Variants in EEF2K observed in about 807,000 individuals in gnomAD.
EEF2K encodes the protein alternative protein EEF2K.
In EEF2K, 70 loss-of-function variants were observed where a neutral mutation model predicts 93.8. The ratio of observed to expected loss-of-function variants is 0.75; its 90% CI spans 0.62 to 0.91. EEF2K has a LOEUF of 0.91. Among genes scored for constraint, EEF2K ranks in the 40% least tolerant of loss-of-function variants. The pLI, the probability that EEF2K is intolerant of heterozygous loss-of-function variation, is 0.00. For synonymous variants in EEF2K, 376 were observed against 380.8 expected (o/e 0.99, Z 0.15); for missense variants, 935 against 972.9 (o/e 0.96, Z 0.52).
intron 2 of EEF2K, among the ~76,000 whole-genome samples, chr16:22,228,351 C>T (rs993700690): frequency 3.9e-5 from 6 of 152,056 alleles, no homozygotes; most frequent in East Asian, 1.9e-4. Context: ...GGGCTGGGCG[C>T]GACGGCTCAC....
At chr16:22,267,792 G>A (rs2047539879) in intron 15 of EEF2K, among the ~76,000 whole-genome samples, 1 of 152,148 alleles carries the variant, frequency 6.6e-6, no homozygotes, top group African/African-American at 2.4e-5. Flanking sequence ...GCAGCAGGGT[G>A]TGGACCTGCA....
chr16:22,280,161 G>T lies in EEF2K; in HGVS notation c.1890-37G>T, dbSNP rs758725692. On this transcript the variant is annotated intron_variant, in intron 16 of 17. Coordinates refer to ENST00000263026, the MANE Select transcript of EEF2K (RefSeq NM_013302.5). ...CCTCCTCCTGCCACCCTGTTGCCAT[G>T]GTAACCTCCACCTTTCCCTCTGTAT... The T allele has an allele frequency of 4.2e-6, 6 of 1,431,606 alleles. No homozygotes were observed. In the Admixed American group the frequency reaches 1.6e-4, roughly 38 times the overall value. 88.7% of individuals were successfully genotyped at this position (1,431,606 alleles called of 1,614,324 possible). A position where few individuals can be genotyped will look rare whatever the true frequency, so the allele number is the denominator to read the frequency against.
chr16:22,265,099 AGCC>A, intron 13 of EEF2K: 1 of 516,958 alleles, frequency 1.9e-6, no homozygotes, highest in Non-Finnish European at 3.5e-6. Flanking sequence ...AGAGCAGCTC[AGCC>A]CCATCCTGGA....
chr16:22,231,611 A>G (rs1403995003), intron 2 of EEF2K, among the ~76,000 whole-genome samples: 1 of 152,072 alleles, frequency 6.6e-6, no homozygotes, highest in African/African-American at 2.4e-5. Flanking sequence ...TTATGTGGAG[A>G]AAAAGATGTT....
intron 1 of EEF2K, among the ~76,000 whole-genome samples, chr16:22,217,498 C>G (rs1227546456): frequency 6.6e-6 from 1 of 152,086 alleles, no homozygotes; most frequent in African/African-American, 2.4e-5. Context: ...GGCTGGAGTA[C>G]AGTGGCACGA....
rs146736070 is a variant in EEF2K at position 22,233,701 on chromosome 16, A to C, written c.246+7726A>C. ...CCTCTCCCCTGCCCCCTGGCAAAAA[A>C]ATATTTTCCTGATCTGAGAATATCT... On this transcript the variant is annotated intron_variant, in intron 2 of 17. Coordinates refer to ENST00000263026, the MANE Select transcript of EEF2K (RefSeq NM_013302.5). 3.4e-3 allele frequency among the ~76,000 whole-genome samples: 514 copies of C among 152,240 alleles called. 3 individuals are homozygous for C. Among genetic ancestry groups the C allele is most frequent in the African/African-American group, 0.011 (452 of 41,562 alleles).
rs191423115 is a variant in EEF2K, at chr16:22,282,161, G to A, written c.2069-1726G>A. Among the ~76,000 whole-genome samples the A allele has an allele frequency of 1.1e-3, 166 of 152,166 alleles. 1 individual carries two copies. In the South Asian group the frequency reaches 0.022, roughly 21 times the overall value. On this transcript the variant is annotated intron_variant, in intron 17 of 17. Coordinates refer to ENST00000263026, the MANE Select transcript of EEF2K (RefSeq NM_013302.5). ...CTCAGTGAGCTATGATCATACCACC[G>A]CACTTCAGCCTGGGCAACAGAGTGA... is the stretch of plus-strand genomic sequence containing the variant.
At position 22,266,878 on chromosome 16, in the gene EEF2K, T is replaced by G; in HGVS notation, c.1764+2T>G. 1 of 1,598,324 alleles carries G rather than the reference T, an allele frequency of 6.3e-7. No homozygotes were observed. The highest frequency in any genetic ancestry group is 8.6e-7 in the Non-Finnish European group (1 of 1,169,076). ...ATCCTAGCCGATGTCTCTCTGAAGGTGAGCAGGTGGCGGGGACCCAGCTGC... is the reference window on the plus strand; with the variant it reads ...ATCCTAGCCGATGTCTCTCTGAAGGGGAGCAGGTGGCGGGGACCCAGCTGC... On this transcript the variant is annotated splice_donor_variant, in intron 15 of 17. Coordinates refer to ENST00000263026, the MANE Select transcript of EEF2K (RefSeq NM_013302.5). LOFTEE classifies it high-confidence loss of function.
intron 6 of EEF2K, among the ~76,000 whole-genome samples, chr16:22,255,422 T>C (rs917020860): frequency 2.6e-5 from 4 of 152,188 alleles, no homozygotes; most frequent in Non-Finnish European, 5.9e-5. Context: ...GGGTTTGCCA[T>C]GGACCACATA....
intron 10 of EEF2K, 96 bp from the exon 11 acceptor site, chr16:22,260,366 C>A: frequency 1.8e-6 from 2 of 1,134,786 alleles, no homozygotes; most frequent in Non-Finnish European, 2.5e-6. Flanking sequence ...AAAAAAAAGG[C>A]TTGGTGGCAG....
rs2046865396 is a variant in EEF2K, at chr16:22,206,613, C to T, written c.-143C>T. The T allele has an allele frequency of 1.3e-5, 2 of 152,300 alleles. No individual in the cohort carries two copies. Among genetic ancestry groups the T allele is most frequent in the Non-Finnish European group, 2.9e-5 (2 of 68,148 alleles). 9.4% of individuals were successfully genotyped at this position (152,300 alleles called of 1,614,324 possible). A position where few individuals can be genotyped will look rare whatever the true frequency, so the allele number is the denominator to read the frequency against. ...CACCCTGGAGCTCCGGGCCGCGAGC[C>T]TCTGCCAACTCCTCTGGACCCTCGC... On this transcript the variant is annotated 5_prime_UTR_variant, in exon 1 of 18. Coordinates refer to ENST00000263026, the MANE Select transcript of EEF2K (RefSeq NM_013302.5).
chr16:22,227,568 G>A (rs1387607282), intron 2 of EEF2K, among the ~76,000 whole-genome samples: 1 of 152,116 alleles, frequency 6.6e-6, no homozygotes, highest in East Asian at 1.9e-4. Flanking sequence ...CGTTTGGTAG[G>A]TGCCAGCGTG....
At chr16:22,273,974 A>T (rs2047610284) in intron 16 of EEF2K, among the ~76,000 whole-genome samples, 1 of 152,210 alleles carries the variant, frequency 6.6e-6, no homozygotes, top group African/African-American at 2.4e-5. Context: ...AGGGTAAACG[A>T]GATGCTGACT....
At chr16:22,210,985 G>C (rs776446363) in intron 1 of EEF2K, among the ~76,000 whole-genome samples, 29 of 152,154 alleles carry the variant, frequency 1.9e-4, no homozygotes, top group Non-Finnish European at 3.1e-4. Flanking sequence ...GCTGCTGGAC[G>C]GGCTCAGAAA....
At chr16:22,219,574 G>A (rs1161117096) in intron 1 of EEF2K, among the ~76,000 whole-genome samples, 3 of 152,166 alleles carry the variant, frequency 2.0e-5, no homozygotes, top group African/African-American at 4.8e-5. Flanking sequence ...GCTGCAATGA[G>A]CTCTGATTGC....
intron 2 of EEF2K, among the ~76,000 whole-genome samples, chr16:22,226,637 T>G (rs1412168596): frequency 6.6e-6 from 1 of 151,316 alleles, no homozygotes; most frequent in Non-Finnish European, 1.5e-5. Flanking sequence ...CACCTCAGCC[T>G]CCTGAGTAGC....
intron 5 of EEF2K, 140 bp from the exon 6 acceptor site, chr16:22,251,011 C>T (rs2047344421): frequency 2.9e-6 from 3 of 1,044,068 alleles, no homozygotes; most frequent in Non-Finnish European, 4.3e-6. Flanking sequence ...GTGGGGACGT[C>T]CTTCTTACCT....
intron 9 of EEF2K, 107 bp from the exon 10 acceptor site, chr16:22,258,387 A>G (rs913846721): frequency 4.3e-6 from 5 of 1,159,770 alleles, no homozygotes; most frequent in Admixed American, 4.6e-5. Flanking sequence ...AGGCATGTTT[A>G]GGAGCTGTGG....
chr16:22,225,609 C>T, intron 1 of EEF2K, 45 bp from the exon 2 acceptor site: 1 of 1,466,866 alleles, frequency 6.8e-7, no homozygotes, highest in Non-Finnish European at 9.1e-7. Context: ...GAATTCGCAG[C>T]CCTGGGCCCC....
Sources: allele counts gnomAD v4.1 joint callset (sites outside exome capture counted in the v4.1 genomes callset), GRCh38; gene constraint gnomAD v4.1.1; transcripts MANE v1.5; gene names NCBI Gene and HGNC (gene_info 2026-07-23, HGNC 2026-07-21).